DPYSL4: variants seen among roughly 807,000 people sequenced by gnomAD.
DPYSL4 encodes dihydropyrimidinase like 4.
DPYSL4 carries 43 observed loss-of-function variants against 63.4 expected under a neutral mutation model. The observed-to-expected ratio is 0.68, with a 90% CI of 0.53 to 0.88. The LOEUF (loss-of-function observed/expected upper bound fraction) is 0.88, where lower values mean the gene tolerates loss of function less well. Among genes scored for constraint, DPYSL4 ranks in the 40% least tolerant of loss-of-function variants. DPYSL4 has a pLI of 0.00. For synonymous variants in DPYSL4, 353 were observed against 331.7 expected, an observed-to-expected ratio of 1.06 and a Z score of -0.70; for missense variants, 733 against 819.5, an observed-to-expected ratio of 0.89 and a Z score of 1.29.
At chr10:132,190,888 GT>G in intron 2 of DPYSL4, 53 bp downstream of exon 2, 1 of 1,565,428 alleles carries the variant, frequency 6.4e-7, no homozygotes, top group African/African-American at 1.3e-5. Context: ...GTACACGCTG[GT>G]CACGTGGTAT....
intron 2 of DPYSL4, 137 bp from the exon 3 acceptor site, chr10:132,192,521 G>T: frequency 7.0e-7 from 1 of 1,419,916 alleles, no homozygotes; most frequent in South Asian, 1.6e-5. Context: ...AGCTAGTCCA[G>T]TGAGTGGCCG....
Position 132,202,699 on chromosome 10 carries a change from G to A in DPYSL4, c.1335G>A (p.Val445=), listed in dbSNP as rs2062035557. The A allele has an allele frequency of 3.1e-6, 5 of 1,613,290 alleles. No individual in the cohort carries two copies. The highest frequency in any genetic ancestry group is 3.4e-6 in the Non-Finnish European group (4 of 1,179,968). The part of the protein sequence containing the change: ...EGVECRGAPA[V]VISQGRVALE... ...TGGAGTGCCGGGGAGCGCCTGCCGTGGTCATAAGTCAGGGCCGAGTGGCGC... is the reference window on the plus strand; with the variant it reads ...TGGAGTGCCGGGGAGCGCCTGCCGTAGTCATAAGTCAGGGCCGAGTGGCGC... The change falls in exon 12 of 14, where the codon GTG becomes GTA. Residue 445 remains valine, a synonymous_variant. Transcript: ENST00000338492.
At chr10:132,192,434 G>A (rs549907563) in intron 2 of DPYSL4, 110 of 1,192,314 alleles carry the variant, frequency 9.2e-5, no homozygotes, top group Admixed American at 1.3e-4. Context: ...AGGGCGTGGC[G>A]TCTGCGTGAG....
chr10:132,196,896 G>A lies in DPYSL4; in HGVS notation c.514G>A (p.Asp172Asn). The A allele has an allele frequency of 6.2e-7, 1 of 1,613,748 alleles. No individual in the cohort carries two copies. Among genetic ancestry groups the A allele is most frequent in the Non-Finnish European group, 8.5e-7 (1 of 1,179,988 alleles). The change falls in exon 5 of 14, where the codon GAC (aspartate) becomes AAC (asparagine). Residue 172 changes from aspartate to asparagine, a missense_variant. Physicochemically the swap from Asp to Asn is conservative, Grantham distance 23. Coordinates refer to ENST00000338492, the MANE Select transcript of DPYSL4 (RefSeq NM_006426.3). ...CTTCCTGGTCTTCATGGCATACAAG[G>A]ACCGGTGCCAGTGCAGCGACAGCCA... ...NSFLVFMAYK[D>N]RCQCSDSQMY...
At chr10:132,201,873 C>T (rs1367913508) in intron 10 of DPYSL4, 73 bp from the exon 11 acceptor site, 1 of 1,496,734 alleles carries the variant, frequency 6.7e-7, no homozygotes, top group African/African-American at 1.4e-5. Flanking sequence ...TCCTGGTGGC[C>T]CAGTGTCTGT....
At chr10:132,187,809 G>A (rs1007983612) in intron 1 of DPYSL4, among the ~76,000 whole-genome samples, 7 of 152,214 alleles carry the variant, frequency 4.6e-5, no homozygotes, top group Non-Finnish European at 8.8e-5. Flanking sequence ...ACGCACCGGC[G>A]CGGGAGGTCC....
Position 132,192,058 on chromosome 10 carries a change from T to G in DPYSL4, c.129-600T>G. Among the ~76,000 whole-genome samples the G allele has an allele frequency of 8.0e-5, 8 of 99,438 alleles. 1 individual carries two copies. The highest frequency in any genetic ancestry group is 1.7e-3 in the East Asian group (1 of 590). 65.2% of individuals were successfully genotyped at this position (99,438 alleles called of 152,430 possible). A position where few individuals can be genotyped will look rare whatever the true frequency, so the allele number is the denominator to read the frequency against. ...GCTGGTCACGTGGTATCCAGGCAGG[T>G]GAAAATAGTTCCCAGCTCTTGTGTA... is the stretch of plus-strand genomic sequence containing the variant. On this transcript the variant is annotated intron_variant, in intron 2 of 13. Coordinates refer to ENST00000338492, the MANE Select transcript of DPYSL4 (RefSeq NM_006426.3).
chr10:132,199,407 C>T lies in DPYSL4; in HGVS notation c.811+436C>T, dbSNP rs553080134. Among the ~76,000 whole-genome samples, 82 of 151,968 alleles carry T rather than the reference C, an allele frequency of 5.4e-4. 1 individual carries two copies. Among genetic ancestry groups the T allele is most frequent in the Non-Finnish European group, 9.9e-4 (67 of 67,956 alleles). ...CACTGCAGAGAGCCTCAGGCCTGGGCGGGGGGGTGCCACCCAGAGCTGTGA... is the reference window on the plus strand; with the variant it reads ...CACTGCAGAGAGCCTCAGGCCTGGGTGGGGGGGTGCCACCCAGAGCTGTGA... On this transcript the variant is annotated intron_variant, in intron 8 of 13. Coordinates refer to ENST00000338492, the MANE Select transcript of DPYSL4 (RefSeq NM_006426.3).
At chr10:132,200,640 G>A in intron 9 of DPYSL4, 128 bp downstream of exon 9, 1 of 1,409,148 alleles carries the variant, frequency 7.1e-7, no homozygotes, top group East Asian at 2.5e-5. Flanking sequence ...GGGTGGGGAA[G>A]TCTGAGCCCT....
chr10:132,190,431 C>G (rs145633581), intron 1 of DPYSL4, among the ~76,000 whole-genome samples: 1 of 152,360 alleles, frequency 6.6e-6, no homozygotes, highest in East Asian at 1.9e-4. Flanking sequence ...GGCTGGGGCT[C>G]CTCAATCCAG....
chr10:132,203,227 G>T (rs558178715), intron 12 of DPYSL4, among the ~76,000 whole-genome samples: 194 of 152,304 alleles, frequency 1.3e-3, no homozygotes, highest in Admixed American at 2.0e-3. Flanking sequence ...CTGATTTGTG[G>T]ACTGGGGCGT....
rs746297877 is a variant in DPYSL4, at chr10:132,187,113, T to A, written c.39+11T>A. On this transcript the variant is annotated intron_variant, in intron 1 of 13. Transcript: ENST00000338492. The stretch of plus-strand genomic sequence containing the variant: ...ATCCCCCGGATCACGGTGAGCCCGG[T>A]CCCGCTTCGCCCGGCGCCCCCTGCC... The A allele has an allele frequency of 2.1e-5, 32 of 1,490,956 alleles. No individual in the cohort carries two copies. In the Admixed American group the frequency reaches 3.7e-4, roughly 17 times the overall value. 92.4% of individuals were successfully genotyped at this position (1,490,956 alleles called of 1,614,324 possible). A position where few individuals can be genotyped will look rare whatever the true frequency, so the allele number is the denominator to read the frequency against.
At position 132,187,013 on chromosome 10, in the gene DPYSL4, GCCCGC is replaced by G. The variant is rs770795836; in HGVS notation, c.-48_-44del. 10 of 74,110 alleles carry G rather than the reference GCCCGC, an allele frequency of 1.3e-4. No individual in the cohort carries two copies. Among genetic ancestry groups the G allele is most frequent in the Non-Finnish European group, 3.2e-4 (10 of 31,004 alleles). The allele number at this position is 74,110 out of a possible 1,614,324, so 4.6% of individuals were successfully genotyped here. A position where few individuals can be genotyped will look rare whatever the true frequency, so the allele number is the denominator to read the frequency against. On this transcript the variant is annotated 5_prime_UTR_variant, in exon 1 of 14. Transcript: ENST00000338492. ...CACGCGTCCCCCCGCCCGCCCGCCC[GCCCGC>G]CCGCCCCCGCTTGTGCCGCCCCTAC...
At position 132,192,896 on chromosome 10, in the gene DPYSL4, C is replaced by T. The variant is rs1310528358; in HGVS notation, c.313+54C>T. 8 of 1,526,564 alleles carry T rather than the reference C, an allele frequency of 5.2e-6. No individual in the cohort carries two copies. The East Asian group carries it at 9.2e-5, about 18-fold the overall frequency. The allele number at this position is 1,526,564 out of a possible 1,614,324, so 94.6% of individuals were successfully genotyped here. ...GGGGCAGCCAGCGTCTGCTGCCCCT[C>T]TCTCTGGCCAGGTGTGTGTGGGAGG... On this transcript the variant is annotated intron_variant, in intron 3 of 13. Transcript: ENST00000338492.
At chr10:132,187,173 C>A in intron 1 of DPYSL4, 71 bp downstream of exon 1, 1 of 1,198,738 alleles carries the variant, frequency 8.3e-7, no homozygotes, top group Non-Finnish European at 1.2e-6. Flanking sequence ...GCCGGGCGGA[C>A]CCTCCTGGTC....
In DPYSL4 at chr10:132,195,297, C is replaced by A. The variant is rs566314869; in HGVS notation, c.478+288C>A. ...AGAGAGGCTGCCCAGGGTGGAAGAG[C>A]AGCAGTTCCCCAGTCTCCTAGCATC... On this transcript the variant is annotated intron_variant, in intron 4 of 13. Transcript: ENST00000338492. Among the ~76,000 whole-genome samples the A allele has an allele frequency of 2.0e-5, 3 of 152,322 alleles. No individual in the cohort carries two copies. The East Asian group carries it at 5.8e-4, about 29-fold the overall frequency.
chr10:132,205,716 G>C lies in DPYSL4; in HGVS notation c.*786G>C, dbSNP rs1303903662. 2 of 152,286 alleles carry C rather than the reference G, an allele frequency of 1.3e-5. No individual in the cohort carries two copies. Among genetic ancestry groups the C allele is most frequent in the African/African-American group, 4.8e-5 (2 of 41,452 alleles). The allele number at this position is 152,286 out of a possible 1,614,324, so 9.4% of individuals were successfully genotyped here. ...CACCGCCTGGACAGGCAGTCATCCTGCCTCTGATGTGAATCAGGCCCATTA... is the reference window on the plus strand; with the variant it reads ...CACCGCCTGGACAGGCAGTCATCCTCCCTCTGATGTGAATCAGGCCCATTA... On this transcript the variant is annotated 3_prime_UTR_variant, in exon 14 of 14. Coordinates refer to ENST00000338492, the MANE Select transcript of DPYSL4 (RefSeq NM_006426.3).
At chr10:132,200,001 C>T (rs976482096) in intron 8 of DPYSL4, among the ~76,000 whole-genome samples, 2 of 152,176 alleles carry the variant, frequency 1.3e-5, no homozygotes, top group Non-Finnish European at 2.9e-5. Context: ...AGGCCATGGC[C>T]AGGGCACCCC....
At chr10:132,191,496 T>C (rs988164804) in intron 2 of DPYSL4, among the ~76,000 whole-genome samples, 2 of 95,008 alleles carry the variant, frequency 2.1e-5, no homozygotes, top group African/African-American at 7.6e-5. Flanking sequence ...GCTGGTCATG[T>C]GGTATCCAGG....
Sources: allele counts gnomAD v4.1 joint callset (sites outside exome capture counted in the v4.1 genomes callset), GRCh38; gene constraint gnomAD v4.1.1; transcripts MANE v1.5; gene names NCBI Gene and HGNC (gene_info 2026-07-23, HGNC 2026-07-21).